Variants in ZNF521 observed in about 807,000 individuals in gnomAD.
ZNF521 encodes the protein LYST-interacting protein 3.
Under a neutral mutation model 105.5 loss-of-function variants are expected in ZNF521, and 14 were observed. The observed-to-expected ratio is 0.13, with a 90% CI of 0.09 to 0.21. The LOEUF is 0.21. Among genes scored for constraint, ZNF521 ranks in the 10% least tolerant of loss-of-function variants. ZNF521 has a pLI of 1.00. For synonymous variants in ZNF521, 635 were observed against 606.0 expected (o/e 1.05, Z -0.70); for missense variants, 1,233 against 1,629.7 (o/e 0.76, Z 4.19).
intron 3 of ZNF521, among the ~76,000 whole-genome samples, chr18:25,303,489 GGTTTCACTAT>G (rs1911776153): frequency 6.6e-6 from 1 of 151,994 alleles, no homozygotes; most frequent in African/African-American, 2.4e-5. Flanking sequence ...GTAGAGACGG[GGTTTCACTAT>G]GTTGGCCAGG....
intron 5 of ZNF521, among the ~76,000 whole-genome samples, chr18:25,095,090 G>T (rs781484947): frequency 4.6e-5 from 7 of 151,100 alleles, no homozygotes; most frequent in African/African-American, 1.5e-4. Flanking sequence ...AGAATTGGGT[G>T]GGGGGGATCT....
intron 3 of ZNF521, among the ~76,000 whole-genome samples, chr18:25,250,975 T>C (rs1401150649): frequency 6.6e-6 from 1 of 152,242 alleles, no homozygotes; most frequent in Admixed American, 6.5e-5. Flanking sequence ...TCCATATATA[T>C]GTTTGACATC....
intron 2 of ZNF521, among the ~76,000 whole-genome samples, chr18:25,350,638 C>CTT (rs1015616573): frequency 2.1e-5 from 3 of 146,338 alleles, no homozygotes; most frequent in Non-Finnish European, 4.5e-5. Flanking sequence ...CTCTCTCTCT[C>CTT]TTTTTTTTTT....
intron 5 of ZNF521, among the ~76,000 whole-genome samples, chr18:25,095,774 T>C (rs2033839791): frequency 6.6e-6 from 1 of 152,212 alleles, no homozygotes; most frequent in South Asian, 2.1e-4. Context: ...TAGCCACGTA[T>C]GTACAAAAAC....
At chr18:25,345,996 T>C (rs1325697192) in intron 2 of ZNF521, among the ~76,000 whole-genome samples, 1 of 152,126 alleles carries the variant, frequency 6.6e-6, no homozygotes, top group Non-Finnish European at 1.5e-5. Context: ...CTCTCTAATT[T>C]GTGTGTGTAT....
At chr18:25,138,878 A>T (rs1005138189) in intron 5 of ZNF521, among the ~76,000 whole-genome samples, 1 of 152,090 alleles carries the variant, frequency 6.6e-6, no homozygotes, top group African/African-American at 2.4e-5. Context: ...ACACTGCCTT[A>T]CTCATTCAAC....
chr18:25,102,350 A>G (rs867451467), intron 5 of ZNF521, among the ~76,000 whole-genome samples: 1 of 152,076 alleles, frequency 6.6e-6, no homozygotes, highest in African/African-American at 2.4e-5. Flanking sequence ...TTCATGTAAA[A>G]TTGAGGAGAA....
At chr18:25,109,614 T>A (rs1190541725) in intron 5 of ZNF521, among the ~76,000 whole-genome samples, 1 of 152,208 alleles carries the variant, frequency 6.6e-6, no homozygotes, top group Non-Finnish European at 1.5e-5. Context: ...ACAACATATG[T>A]TGCTTTTTGA....
intron 4 of ZNF521, among the ~76,000 whole-genome samples, chr18:25,212,099 A>C (rs2036189446): frequency 6.6e-6 from 1 of 152,192 alleles, no homozygotes; most frequent in Admixed American, 6.5e-5. Context: ...AGAAAATGGG[A>C]CAAATATTTT....
rs1353344429 is a variant in ZNF521 at position 25,173,261 on chromosome 18, G to C, written c.3658+21899C>G. On this transcript the variant is annotated intron_variant, in intron 5 of 7. Coordinates refer to ENST00000361524, the MANE Select transcript of ZNF521 (RefSeq NM_015461.3). Reference sequence around the variant, plus strand: ...CTGATGGAACGCAGAGGTTAATCAGGGGATAGGTGCTGGTTTGATGAGCCC... The same window carrying C: ...CTGATGGAACGCAGAGGTTAATCAGCGGATAGGTGCTGGTTTGATGAGCCC... Among the ~76,000 whole-genome samples, 7 of 152,254 alleles carry C rather than the reference G, an allele frequency of 4.6e-5. No homozygotes were observed. The South Asian group carries it at 6.2e-4, about 14-fold the overall frequency.
At chr18:25,264,831 G>A (rs938703307) in intron 3 of ZNF521, among the ~76,000 whole-genome samples, 1 of 152,002 alleles carries the variant, frequency 6.6e-6, no homozygotes, top group Non-Finnish European at 1.5e-5. Context: ...ACAGAGGGAA[G>A]AAACAGAAAA....
intron 3 of ZNF521, among the ~76,000 whole-genome samples, chr18:25,260,939 G>A (rs943686517): frequency 8.6e-5 from 13 of 152,046 alleles, no homozygotes; most frequent in African/African-American, 3.1e-4. Flanking sequence ...TTAAAATTAA[G>A]GCACAATTTC....
At chr18:25,202,826 TAA>T (rs1317939046) in intron 4 of ZNF521, 2 of 152,126 alleles carry the variant, frequency 1.3e-5, no homozygotes, top group Admixed American at 6.6e-5. Flanking sequence ...TGTATGAAAA[TAA>T]GTCACTGAAG....
At chr18:25,212,130 C>G (rs1405949067) in intron 4 of ZNF521, among the ~76,000 whole-genome samples, 2 of 152,072 alleles carry the variant, frequency 1.3e-5, no homozygotes, top group Non-Finnish European at 2.9e-5. Flanking sequence ...TCTTTTTCTT[C>G]AAGAATATCT....
intron 2 of ZNF521, among the ~76,000 whole-genome samples, chr18:25,336,821 C>T (rs891814945): frequency 1.3e-5 from 2 of 152,206 alleles, no homozygotes; most frequent in African/African-American, 4.8e-5. Context: ...GAGTTGTATG[C>T]TATGGTGTGT....
At chr18:25,131,881 A>G (rs896536460) in intron 5 of ZNF521, among the ~76,000 whole-genome samples, 1 of 152,166 alleles carries the variant, frequency 6.6e-6, no homozygotes, top group Admixed American at 6.5e-5. Context: ...TCTTACTTTT[A>G]ACTTCTTGTT....
At chr18:25,120,680 A>G (rs781395242) in intron 5 of ZNF521, among the ~76,000 whole-genome samples, 5 of 152,188 alleles carry the variant, frequency 3.3e-5, no homozygotes, top group Non-Finnish European at 7.3e-5. Context: ...CCACATGAGT[A>G]TACTAAAAGG....
intron 2 of ZNF521, among the ~76,000 whole-genome samples, chr18:25,335,808 T>TTTTAA (rs1223752085): frequency 6.6e-6 from 1 of 152,170 alleles, no homozygotes; most frequent in South Asian, 2.1e-4. Flanking sequence ...AAAGATAGTG[T>TTTTAA]CTACGAAGAG....
At chr18:25,118,249 A>G (rs1298950498) in intron 5 of ZNF521, among the ~76,000 whole-genome samples, 1 of 152,056 alleles carries the variant, frequency 6.6e-6, no homozygotes, top group Non-Finnish European at 1.5e-5. Flanking sequence ...AAGAAAAACT[A>G]AGAGAATTTA....
Sources: allele counts gnomAD v4.1 joint callset (sites outside exome capture counted in the v4.1 genomes callset), GRCh38; gene constraint gnomAD v4.1.1; transcripts MANE v1.5; gene names NCBI Gene and HGNC (gene_info 2026-07-23, HGNC 2026-07-21).